Variants in IKZF3 observed in about 807,000 individuals in gnomAD.
IKZF3 encodes the protein IKAROS family zinc finger 3.
In IKZF3, 10 loss-of-function variants were observed where a neutral mutation model predicts 49.0. The observed-to-expected ratio is 0.20, with a 90% CI of 0.13 to 0.35. IKZF3 has a LOEUF of 0.35. Ranked by LOEUF, IKZF3 falls within the 10% of genes least tolerant of loss-of-function variation. The pLI, the probability that IKZF3 is intolerant of heterozygous loss-of-function variation, is 1.00. For synonymous variants in IKZF3, 209 were observed against 228.2 expected (o/e 0.92, Z 0.76); for missense variants, 498 against 664.8 (o/e 0.75, Z 2.76).
intron 7 of IKZF3, among the ~76,000 whole-genome samples, chr17:39,772,884 C>T (rs745708371): frequency 2.6e-5 from 4 of 152,122 alleles, no homozygotes; most frequent in Non-Finnish European, 4.4e-5. Flanking sequence ...GGTGCGATCT[C>T]GGCTTACTGC....
intron 1 of IKZF3, chr17:39,835,310 C>T (rs568415056): frequency 2.3e-4 from 123 of 542,322 alleles, no homozygotes; most frequent in East Asian, 1.6e-3. Context: ...GCAGCTGACG[C>T]GCCACGTCCT....
At chr17:39,799,098 T>G (rs950797703) in intron 3 of IKZF3, among the ~76,000 whole-genome samples, 2 of 151,864 alleles carry the variant, frequency 1.3e-5, no homozygotes, top group African/African-American at 2.4e-5. Flanking sequence ...AATAGAAAAT[T>G]TGGGGCTCCT....
At chr17:39,788,612 T>C (rs888219162) in intron 5 of IKZF3, among the ~76,000 whole-genome samples, 2 of 152,182 alleles carry the variant, frequency 1.3e-5, no homozygotes, top group African/African-American at 2.4e-5. Context: ...ATGGAAGAAT[T>C]TGGATTTAGT....
chr17:39,803,829 A>G (rs998773884), intron 3 of IKZF3, among the ~76,000 whole-genome samples: 3 of 152,146 alleles, frequency 2.0e-5, no homozygotes, highest in African/African-American at 7.2e-5. Context: ...TCTTTTTTAA[A>G]AACAGGAATG....
chr17:39,784,044 C>G (rs1012310954), intron 6 of IKZF3, among the ~76,000 whole-genome samples: 2 of 152,168 alleles, frequency 1.3e-5, no homozygotes, highest in Non-Finnish European at 2.9e-5. Flanking sequence ...TATTCTGAAG[C>G]CCTCATGCTT....
chr17:39,777,044 A>T lies in IKZF3; in HGVS notation c.826+607T>A, dbSNP rs118106308. Among the ~76,000 whole-genome samples the T allele has an allele frequency of 6.2e-4, 94 of 152,324 alleles. 4 individuals carry two copies. The East Asian group carries it at 0.015, about 25-fold the overall frequency. ...AATGTCTCTGCCATTTGGAAGTCCT[A>T]ACACTTCAATGAACATAATTATTTC... On this transcript the variant is annotated intron_variant, in intron 7 of 7. Coordinates refer to ENST00000346872, the MANE Select transcript of IKZF3 (RefSeq NM_012481.5).
At chr17:39,813,416 A>T (rs892516812) in intron 3 of IKZF3, among the ~76,000 whole-genome samples, 2 of 152,002 alleles carry the variant, frequency 1.3e-5, no homozygotes, top group Non-Finnish European at 2.9e-5. Flanking sequence ...AAGCCAAGGC[A>T]GGAGGATTGA....
intron 3 of IKZF3, among the ~76,000 whole-genome samples, chr17:39,798,482 G>T (rs1217747887): frequency 6.6e-6 from 1 of 151,586 alleles, no homozygotes; most frequent in Non-Finnish European, 1.5e-5. Context: ...TATGGCCACA[G>T]GTCCAAGTCC....
intron 7 of IKZF3, among the ~76,000 whole-genome samples, chr17:39,768,648 C>T (rs1242496497): frequency 6.6e-6 from 1 of 152,128 alleles, no homozygotes; most frequent in Non-Finnish European, 1.5e-5. Context: ...ATTGTATGTA[C>T]CTCACAGGGT....
At chr17:39,826,125 C>T (rs1265629146) in intron 3 of IKZF3, among the ~76,000 whole-genome samples, 2 of 152,198 alleles carry the variant, frequency 1.3e-5, no homozygotes, top group Non-Finnish European at 2.9e-5. Context: ...TCACTACAGC[C>T]TCAACCTCCC....
intron 3 of IKZF3, among the ~76,000 whole-genome samples, chr17:39,813,545 C>G (rs183785203): frequency 4.9e-4 from 74 of 151,258 alleles, no homozygotes; most frequent in African/African-American, 1.7e-3. Context: ...TCTGGAGTCT[C>G]GGGTGGGAGG....
Position 39,765,612 on chromosome 17 carries a change from C to A in IKZF3, c.*178G>T, listed in dbSNP as rs1290439851. The A allele has an allele frequency of 1.8e-6, 1 of 552,930 alleles. No homozygotes were observed. Among genetic ancestry groups the A allele is most frequent in the East Asian group, 2.9e-5 (1 of 34,898 alleles). The allele number at this position is 552,930 out of a possible 1,614,324, so 34.3% of individuals were successfully genotyped here. A position where few individuals can be genotyped will look rare whatever the true frequency, so the allele number is the denominator to read the frequency against. On this transcript the variant is annotated 3_prime_UTR_variant, in exon 8 of 8. Coordinates refer to ENST00000346872, the MANE Select transcript of IKZF3 (RefSeq NM_012481.5). ...TTCACAAAAGTAATAATATGCTAGA[C>A]CTGCGAATAATTTCTGAAGGAAGAC...
rs1336296234 is a variant in IKZF3, at chr17:39,766,232, C to G, written c.1088G>C (p.Ser363Thr). 2.5e-6 allele frequency: 4 copies of G among 1,614,030 alleles called. No individual in the cohort carries two copies. Among genetic ancestry groups the G allele is most frequent in the South Asian group, 1.1e-5 (1 of 91,094 alleles). The change falls in exon 8 of 8, where the codon AGC (serine) becomes ACC (threonine). Residue 363 changes from serine (S) to threonine (T), a missense_variant. Ser to Thr is a moderately conservative substitution (Grantham distance 58, BLOSUM62 1). Around this residue, in one of 3 missense-constraint regions of IKZF3, gnomAD observed 317 missense variants for 397.3 expected, o/e 0.80. Coordinates refer to ENST00000346872, the MANE Select transcript of IKZF3 (RefSeq NM_012481.5). ...NGAPQELEKK[S>T]IHLPEKSVPS... is the part of the protein sequence containing the mutation. ...CACGCTCTTCTCTGGAAGGTGGATG[C>G]TTTTCTTTTCCAGCTCTTGAGGGGC... is the stretch of plus-strand genomic sequence containing the variant.
chr17:39,780,332 A>T (rs1428532514), intron 6 of IKZF3, among the ~76,000 whole-genome samples: 1 of 151,724 alleles, frequency 6.6e-6, no homozygotes, highest in Admixed American at 6.6e-5. Context: ...TACACAATAC[A>T]TTATAAAGCT....
chr17:39,848,082 C>A (rs1233721085), intron 1 of IKZF3, among the ~76,000 whole-genome samples: 2 of 152,140 alleles, frequency 1.3e-5, no homozygotes, highest in East Asian at 3.8e-4. Context: ...TCATGAAATA[C>A]TTCCTTCCCT....
intron 6 of IKZF3, chr17:39,778,288 G>T: frequency 3.1e-6 from 2 of 642,152 alleles, no homozygotes; most frequent in Non-Finnish European, 3.9e-6. Flanking sequence ...AATTCTGAGT[G>T]GTTTCTTTCT....
intron 5 of IKZF3, among the ~76,000 whole-genome samples, chr17:39,790,895 A>T (rs968676706): frequency 1.5e-4 from 20 of 130,342 alleles, no homozygotes; most frequent in African/African-American, 1.6e-4. Context: ...ATGTTTATTT[A>T]AAAAAAAAAA....
At chr17:39,863,317 A>G (rs574762396) in intron 1 of IKZF3, among the ~76,000 whole-genome samples, 14 of 152,316 alleles carry the variant, frequency 9.2e-5, no homozygotes, top group African/African-American at 2.6e-4. Flanking sequence ...TATGAAGAAA[A>G]TACCCACGAT....
chr17:39,832,943 T>G (rs1200796936), intron 1 of IKZF3, among the ~76,000 whole-genome samples: 1 of 152,178 alleles, frequency 6.6e-6, no homozygotes, highest in African/African-American at 2.4e-5. Flanking sequence ...CCTGACTTGA[T>G]TATTATATAT....
Sources: allele counts gnomAD v4.1 joint callset (sites outside exome capture counted in the v4.1 genomes callset), GRCh38; gene constraint gnomAD v4.1.1; regional missense constraint gnomAD v4.1.1; transcripts MANE v1.5; gene names NCBI Gene and HGNC (gene_info 2026-07-23, HGNC 2026-07-21).